Variants in CNTN5 observed in about 807,000 individuals in gnomAD.
CNTN5 encodes contactin 5.
In CNTN5, 77 loss-of-function variants were observed where a neutral mutation model predicts 129.1. That is an observed-to-expected ratio of 0.60 (90% CI 0.50 to 0.72). The LOEUF is 0.72. Among genes scored for constraint, CNTN5 ranks in the 30% least tolerant of loss-of-function variants. CNTN5 has a pLI of 0.00. For synonymous variants in CNTN5, 509 were observed against 465.6 expected, an observed-to-expected ratio of 1.09 and a Z score of -1.20; for missense variants, 1,478 against 1,328.8, an observed-to-expected ratio of 1.11 and a Z score of -1.75.
intron 3 of CNTN5, among the ~76,000 whole-genome samples, chr11:99,580,794 T>C (rs1163394939): frequency 1.8e-4 from 24 of 130,604 alleles, no homozygotes; most frequent in South Asian, 6.3e-4. Context: ...CCTGGATTCA[T>C]TGATTTTTTC....
At chr11:100,074,473 G>GGAA in intron 13 of CNTN5, 179 bp downstream of exon 13, 1 of 545,292 alleles carries the variant, frequency 1.8e-6, no homozygotes, top group South Asian at 2.9e-5. Flanking sequence ...ACTTCAAAAT[G>GGAA]GTCAGTCTTC....
At chr11:99,204,815 T>A (rs1859394161) in intron 1 of CNTN5, among the ~76,000 whole-genome samples, 1 of 152,210 alleles carries the variant, frequency 6.6e-6, no homozygotes, top group African/African-American at 2.4e-5. Flanking sequence ...GGTATTCAGA[T>A]ATGAACTCTC....
chr11:100,249,619 G>A (rs934976491), intron 16 of CNTN5, among the ~76,000 whole-genome samples: 19 of 152,154 alleles, frequency 1.2e-4, no homozygotes, highest in Non-Finnish European at 2.6e-4. Context: ...AGTGGCATTT[G>A]TGTATCATCT....
At chr11:99,941,460 T>C (rs1950433451) in intron 7 of CNTN5, among the ~76,000 whole-genome samples, 1 of 152,026 alleles carries the variant, frequency 6.6e-6, no homozygotes, top group South Asian at 2.1e-4. Context: ...TTTACACTAC[T>C]GAGGAGGTAT....
intron 1 of CNTN5, among the ~76,000 whole-genome samples, chr11:99,087,005 C>A (rs1483607055): frequency 1.3e-5 from 2 of 152,026 alleles, no homozygotes; most frequent in Non-Finnish European, 2.9e-5. Context: ...GTAAACTGAC[C>A]ATTATCACCC....
intron 1 of CNTN5, among the ~76,000 whole-genome samples, chr11:99,215,760 C>G (rs1025903718): frequency 6.6e-6 from 1 of 152,174 alleles, no homozygotes; most frequent in African/African-American, 2.4e-5. Context: ...CTCTACTACT[C>G]TCTCAGACTG....
chr11:100,317,347 C>T (rs898784434), intron 21 of CNTN5, among the ~76,000 whole-genome samples: 2 of 152,074 alleles, frequency 1.3e-5, no homozygotes, highest in Non-Finnish European at 2.9e-5. Context: ...GAAAAAGAAG[C>T]TAAAATGAAG....
At chr11:99,100,316 T>C (rs563418817) in intron 1 of CNTN5, among the ~76,000 whole-genome samples, 10 of 151,980 alleles carry the variant, frequency 6.6e-5, no homozygotes, top group African/African-American at 2.4e-4. Context: ...TCCAGAGAGG[T>C]AGGGGGAACC....
chr11:99,480,780 A>G (rs1385607134), intron 2 of CNTN5, among the ~76,000 whole-genome samples: 1 of 152,098 alleles, frequency 6.6e-6, no homozygotes, highest in Non-Finnish European at 1.5e-5. Flanking sequence ...AGGACCTGAT[A>G]TGTTACAGGC....
intron 3 of CNTN5, among the ~76,000 whole-genome samples, chr11:99,749,410 A>G (rs553339902): frequency 1.1e-3 from 162 of 152,384 alleles, no homozygotes; most frequent in Middle Eastern, 3.4e-3. Context: ...TAAGTTAGTT[A>G]CTATATGAAA....
chr11:99,945,848 T>C (rs1474936508), intron 7 of CNTN5, among the ~76,000 whole-genome samples: 1 of 152,080 alleles, frequency 6.6e-6, no homozygotes, highest in East Asian at 1.9e-4. Flanking sequence ...AATACGAATC[T>C]AGGCACTTAA....
At chr11:99,849,730 C>G (rs1049184471) in intron 6 of CNTN5, among the ~76,000 whole-genome samples, 1 of 152,126 alleles carries the variant, frequency 6.6e-6, no homozygotes, top group African/African-American at 2.4e-5. Context: ...AGACGATGCT[C>G]TGTTTCAAAT....
In CNTN5 at chr11:99,598,329, CCTCTCTCTCTCTCT is replaced by C. The variant is rs1163753320; in HGVS notation, c.55+42092_55+42105del. On this transcript the variant is annotated intron_variant, in intron 3 of 24. Transcript: ENST00000524871. ...CTTTTCTTTTCTTTTCTTTTCTGTC[CCTCTCTCTCTCTCT>C]CTCTCTCTCTCTCTCTCTCTCTCTC... 4.0e-4 allele frequency among the ~76,000 whole-genome samples: 5 copies of C among 12,642 alleles called. 1 individual carries two copies. Among genetic ancestry groups the C allele is most frequent in the African/African-American group, 1.8e-3 (5 of 2,838 alleles). 8.3% of individuals were successfully genotyped at this position (12,642 alleles called of 152,430 possible). A position where few individuals can be genotyped will look rare whatever the true frequency, so the allele number is the denominator to read the frequency against.
intron 2 of CNTN5, among the ~76,000 whole-genome samples, chr11:99,373,711 C>CAA (rs57363059): frequency 0.015 from 1,431 of 94,546 alleles, 25 homozygotes; most frequent in East Asian, 0.06. Flanking sequence ...AACTCCGTCT[C>CAA]AAAAAAAAAA....
intron 2 of CNTN5, among the ~76,000 whole-genome samples, chr11:99,344,480 T>C (rs908390174): frequency 1.3e-5 from 2 of 152,218 alleles, no homozygotes; most frequent in Non-Finnish European, 2.9e-5. Context: ...TTATCTATTA[T>C]GTTAAAAATA....
chr11:99,309,475 C>T (rs1368471368), intron 1 of CNTN5, among the ~76,000 whole-genome samples: 1 of 152,226 alleles, frequency 6.6e-6, no homozygotes, highest in Non-Finnish European at 1.5e-5. Context: ...ACTCTTGATT[C>T]TTCACTTGCT....
At chr11:99,699,417 A>C (rs916048769) in intron 3 of CNTN5, among the ~76,000 whole-genome samples, 31 of 151,668 alleles carry the variant, frequency 2.0e-4, no homozygotes, top group African/African-American at 6.5e-4. Context: ...TCTTTATAAC[A>C]CACATATCTC....
chr11:100,197,543 G>C (rs1483507722), intron 15 of CNTN5, among the ~76,000 whole-genome samples: 2 of 151,868 alleles, frequency 1.3e-5, no homozygotes, highest in African/African-American at 4.8e-5. Flanking sequence ...GTTTATGTTG[G>C]TCAGAGGTCT....
At position 99,115,774 on chromosome 11, in the gene CNTN5, A is replaced by C. The variant is rs1858017569; in HGVS notation, c.-210+94504A>C. On this transcript the variant is annotated intron_variant, in intron 1 of 24. Coordinates refer to ENST00000524871, the MANE Select transcript of CNTN5 (RefSeq NM_014361.4). ...AAACTCCGTCTCAAAGGGAACAACAACAACAAAAAAGATAAAATACCAGCA... is the reference window on the plus strand; with the variant it reads ...AAACTCCGTCTCAAAGGGAACAACACCAACAAAAAAGATAAAATACCAGCA... 2.0e-5 allele frequency among the ~76,000 whole-genome samples: 3 copies of C among 152,300 alleles called. No homozygotes were observed. The South Asian group carries it at 6.2e-4, about 32-fold the overall frequency.
Sources: allele counts gnomAD v4.1 joint callset (sites outside exome capture counted in the v4.1 genomes callset), GRCh38; gene constraint gnomAD v4.1.1; transcripts MANE v1.5; gene names NCBI Gene and HGNC (gene_info 2026-07-23, HGNC 2026-07-21).